The following BICC1 variants were observed in gnomAD, a reference collection of about 807,000 sequenced individuals.
BICC1 encodes protein bicaudal C homolog 1.
Under a neutral mutation model 111.0 loss-of-function variants are expected in BICC1, and 43 were observed. The ratio of observed to expected loss-of-function variants is 0.39; its 90% confidence interval spans 0.30 to 0.50. The LOEUF (loss-of-function observed/expected upper bound fraction) is 0.50. BICC1 is among the 20% of genes least tolerant of loss of function. The probability of loss-of-function intolerance (pLI) is 0.88; values close to 1 mark genes in which losing one functional copy is unlikely to be tolerated. For missense variants in BICC1, 1,091 were observed against 1,203.2 expected (o/e 0.91, Z 1.38); for synonymous variants, 467 against 434.4 (o/e 1.07, Z -0.93).
chr10:58,648,214 G>A (rs924114483), intron 2 of BICC1, among the ~76,000 whole-genome samples: 12 of 152,182 alleles, frequency 7.9e-5, no homozygotes, highest in Admixed American at 3.3e-4. Flanking sequence ...GGCTGAAGCC[G>A]TCTGCTTTAG....
intron 2 of BICC1, among the ~76,000 whole-genome samples, chr10:58,692,055 C>CT (rs1285732488): frequency 1.3e-5 from 2 of 152,030 alleles, no homozygotes; most frequent in African/African-American, 4.8e-5. Context: ...GTGCTAGATT[C>CT]TAAGGGTTTA....
In BICC1 at chr10:58,621,883, G is replaced by A. The variant is rs540137031; in HGVS notation, c.237+982G>A. ...ACTGCACTCCAGCCTGGGCAACAGAGTGAGACTTTGTCTCTAAAATTAGAA... is the reference window on the plus strand; with the variant it reads ...ACTGCACTCCAGCCTGGGCAACAGAATGAGACTTTGTCTCTAAAATTAGAA... On this transcript the variant is annotated intron_variant, in intron 2 of 20. Coordinates refer to ENST00000373886, the MANE Select transcript of BICC1 (RefSeq NM_001080512.3). Among the ~76,000 whole-genome samples the A allele has an allele frequency of 3.7e-4, 40 of 107,814 alleles. 3 individuals are homozygous for A. The South Asian group carries it at 0.012, about 31-fold the overall frequency. 70.7% of individuals were successfully genotyped at this position (107,814 alleles called of 152,430 possible).
intron 5 of BICC1, 146 bp downstream of exon 5, chr10:58,787,227 A>G (rs1211126365): frequency 3.3e-5 from 21 of 643,888 alleles, no homozygotes. Context: ...ACTTTCTGCA[A>G]GGAAATTGAA....
At chr10:58,584,419 C>T (rs775565398) in intron 1 of BICC1, among the ~76,000 whole-genome samples, 7 of 152,044 alleles carry the variant, frequency 4.6e-5, no homozygotes, top group Non-Finnish European at 1.0e-4. Flanking sequence ...TCCTACTAAA[C>T]TCTGGGAGGA....
intron 17 of BICC1, among the ~76,000 whole-genome samples, chr10:58,813,392 C>T (rs1056941845): frequency 6.6e-6 from 1 of 152,086 alleles, no homozygotes; most frequent in African/African-American, 2.4e-5. Context: ...ACCTCAGGCT[C>T]TATTAGCATT....
intron 1 of BICC1, among the ~76,000 whole-genome samples, chr10:58,602,144 G>A (rs1010961769): frequency 6.6e-6 from 1 of 152,066 alleles, no homozygotes; most frequent in Non-Finnish European, 1.5e-5. Flanking sequence ...AGTAAACAAA[G>A]TAGGAAAAGC....
chr10:58,596,898 A>C (rs1285442093), intron 1 of BICC1, among the ~76,000 whole-genome samples: 1 of 152,346 alleles, frequency 6.6e-6, no homozygotes, highest in South Asian at 2.1e-4. Context: ...TCAAGGAAAT[A>C]GGAGAGGACA....
intron 15 of BICC1, among the ~76,000 whole-genome samples, chr10:58,803,740 A>G (rs1342852203): frequency 6.6e-6 from 1 of 152,204 alleles, no homozygotes; most frequent in African/African-American, 2.4e-5. Context: ...ATTTTTTATG[A>G]TTATAAAAAC....
intron 14 of BICC1, among the ~76,000 whole-genome samples, chr10:58,801,925 G>A (rs1843559806): frequency 6.6e-6 from 1 of 152,094 alleles, no homozygotes; most frequent in African/African-American, 2.4e-5. Context: ...AACTATTGAA[G>A]CATTTAAAAT....
At chr10:58,697,016 T>A (rs1840084499) in intron 2 of BICC1, among the ~76,000 whole-genome samples, 1 of 152,224 alleles carries the variant, frequency 6.6e-6, no homozygotes, top group Non-Finnish European at 1.5e-5. Flanking sequence ...AGCATGATAT[T>A]TATAGTTTTG....
At chr10:58,673,450 TC>T (rs1839241959) in intron 2 of BICC1, among the ~76,000 whole-genome samples, 1 of 152,132 alleles carries the variant, frequency 6.6e-6, no homozygotes, top group African/African-American at 2.4e-5. Flanking sequence ...GCCCTGTGCC[TC>T]CCCACCAAAT....
chr10:58,786,740 C>G (rs1293677583), intron 4 of BICC1, among the ~76,000 whole-genome samples, 183 bp from the exon 5 acceptor site: 1 of 151,960 alleles, frequency 6.6e-6, no homozygotes, highest in Non-Finnish European at 1.5e-5. Flanking sequence ...ATGAGAATTT[C>G]TTTTTTTATA....
intron 1 of BICC1, among the ~76,000 whole-genome samples, chr10:58,565,128 A>G (rs1406862715): frequency 6.6e-6 from 1 of 152,168 alleles, no homozygotes; most frequent in Non-Finnish European, 1.5e-5. Flanking sequence ...AAAAATTTGT[A>G]TGTTTGCAAA....
chr10:58,638,091 G>A (rs1167678301), intron 2 of BICC1, among the ~76,000 whole-genome samples: 1 of 151,902 alleles, frequency 6.6e-6, no homozygotes, highest in East Asian at 1.9e-4. Flanking sequence ...GGCTGTTTTG[G>A]AGGAAAAAAA....
intron 1 of BICC1, among the ~76,000 whole-genome samples, chr10:58,601,942 A>G (rs1009186417): frequency 6.6e-6 from 1 of 152,140 alleles, no homozygotes; most frequent in Non-Finnish European, 1.5e-5. Context: ...GAATGTTTAC[A>G]TTATATATTT....
chr10:58,552,981 T>G lies in BICC1; in HGVS notation c.190+39648T>G, dbSNP rs117721112. On this transcript the variant is annotated intron_variant, in intron 1 of 20. Coordinates refer to ENST00000373886, the MANE Select transcript of BICC1 (RefSeq NM_001080512.3). ...TAAAGAAATTTTTATTCATCTGCCT[T>G]TGTTGCTAAGTGTTCCTGTGTTTAT... 4.4e-3 allele frequency among the ~76,000 whole-genome samples: 675 copies of G among 152,310 alleles called. 5 individuals carry two copies. The highest frequency in any genetic ancestry group is 6.2e-3 in the Non-Finnish European group (423 of 68,022).
At position 58,589,416 on chromosome 10, in the gene BICC1, G is replaced by A. The variant is rs1844531639; in HGVS notation, c.191-31439G>A. ...AATTTTGCTCAAAATTGTACAGCTG[G>A]CACACAGAGCTAATAATTCTTAGTT... On this transcript the variant is annotated intron_variant, in intron 1 of 20. Transcript: ENST00000373886. Among the ~76,000 whole-genome samples, 3 of 151,756 alleles carry A rather than the reference G, an allele frequency of 2.0e-5. No individual in the cohort carries two copies. The South Asian group carries it at 6.2e-4, about 32-fold the overall frequency.
chr10:58,653,609 G>A lies in BICC1; in HGVS notation c.237+32708G>A, dbSNP rs575991994. On this transcript the variant is annotated intron_variant, in intron 2 of 20. Coordinates refer to ENST00000373886, the MANE Select transcript of BICC1 (RefSeq NM_001080512.3). Reference sequence around the variant, plus strand: ...AACTGCTGAAGTGTTGTCTTCATCTGCCATCTGTTCAATCCACACGTCTTG... The same window carrying A: ...AACTGCTGAAGTGTTGTCTTCATCTACCATCTGTTCAATCCACACGTCTTG... Among the ~76,000 whole-genome samples the A allele has an allele frequency of 1.6e-4, 24 of 152,226 alleles. No individual in the cohort carries two copies. The South Asian group carries it at 4.8e-3, about 30-fold the overall frequency.
chr10:58,672,575 A>T (rs1382638121), intron 2 of BICC1, among the ~76,000 whole-genome samples: 2 of 152,136 alleles, frequency 1.3e-5, no homozygotes, highest in Non-Finnish European at 2.9e-5. Context: ...ATTTTTCATG[A>T]CACTTAACTT....
Sources: gnomAD v4.1 joint callset for allele counts (sites outside exome capture counted in the v4.1 genomes callset) on GRCh38, gnomAD v4.1.1 for gene constraint, MANE v1.5 for transcripts, NCBI Gene and HGNC (gene_info 2026-07-23, HGNC 2026-07-21) for gene names.